Variants in TMEM120B observed in about 807,000 individuals in gnomAD.
TMEM120B encodes the protein transmembrane protein 120B.
In TMEM120B, 31 loss-of-function variants were observed where a neutral mutation model predicts 55.5. The observed-to-expected ratio is 0.56, with a 90% confidence interval of 0.42 to 0.75. The LOEUF (loss-of-function observed/expected upper bound fraction) is 0.75. Among genes scored for constraint, TMEM120B ranks in the 30% least tolerant of loss-of-function variants. The pLI, the probability that TMEM120B is intolerant of heterozygous loss-of-function variation, is 0.00. For synonymous variants in TMEM120B, 203 were observed against 176.3 expected (o/e 1.15, Z -1.20); for missense variants, 399 against 425.5 (o/e 0.94, Z 0.55).
chr12:121,727,070 T>C (rs1290740616), intron 1 of TMEM120B, among the ~76,000 whole-genome samples: 2 of 151,250 alleles, frequency 1.3e-5, no homozygotes, highest in Non-Finnish European at 2.9e-5. Context: ...CATAACCCGG[T>C]CTCAAAATAA....
chr12:121,713,083 G>A, intron 1 of TMEM120B, 119 bp downstream of exon 1: 1 of 777,094 alleles, frequency 1.3e-6, no homozygotes, highest in Non-Finnish European at 1.9e-6. Context: ...CCCCGGAGAG[G>A]CCCTGGGGGC....
At chr12:121,725,300 T>C (rs1384322840) in intron 1 of TMEM120B, among the ~76,000 whole-genome samples, 2 of 152,212 alleles carry the variant, frequency 1.3e-5, no homozygotes, top group Non-Finnish European at 2.9e-5. Flanking sequence ...GAGTCAATCA[T>C]GTTTAATGTG....
chr12:121,747,249 ACTGGGGTAGAAGGTGGGAGG>A (rs1566515391), intron 2 of TMEM120B, among the ~76,000 whole-genome samples: 16 of 145,700 alleles, frequency 1.1e-4, no homozygotes, highest in Admixed American at 9.0e-4. Context: ...TGCGAGAGGC[ACTGGGGTAGAAGGTGGGAGG>A]CTGGGGTAGA....
intron 5 of TMEM120B, among the ~76,000 whole-genome samples, chr12:121,756,862 G>A (rs1370764017): frequency 3.3e-5 from 5 of 152,186 alleles, no homozygotes; most frequent in African/African-American, 7.2e-5. Context: ...GCCTCTTCCC[G>A]GCTGTGGGAC....
Position 121,743,620 on chromosome 12 carries a change from G to C in TMEM120B, c.70-9G>C. On this transcript the variant is annotated splice_polypyrimidine_tract_variant and intron_variant, in intron 1 of 11. Coordinates refer to ENST00000449592, the MANE Select transcript of TMEM120B (RefSeq NM_001080825.2). The stretch of plus-strand genomic sequence containing the variant: ...CCACACACCCTCCCCCGGGTCCCCT[G>C]TTCTTCAGGAGACGCACAGGATCTA... 6.2e-7 allele frequency: 1 copy of C among 1,612,088 alleles called. No homozygotes were observed. The highest frequency in any genetic ancestry group is 8.5e-7 in the Non-Finnish European group (1 of 1,178,894).
At chr12:121,719,365 G>A (rs1003399606) in intron 1 of TMEM120B, among the ~76,000 whole-genome samples, 5 of 152,130 alleles carry the variant, frequency 3.3e-5, no homozygotes, top group Non-Finnish European at 4.4e-5. Context: ...CAGGTAGATC[G>A]CTTGAGCCCA....
chr12:121,764,999 A>G (rs1234449658), intron 6 of TMEM120B, among the ~76,000 whole-genome samples: 3 of 152,110 alleles, frequency 2.0e-5, no homozygotes, highest in Admixed American at 6.6e-5. Flanking sequence ...TCTACCCTCC[A>G]TCTGCCATTC....
In TMEM120B at chr12:121,779,688, A is replaced by G. The variant is rs1021762427; in HGVS notation, c.*3966A>G. On this transcript the variant is annotated 3_prime_UTR_variant, in exon 12 of 12. Transcript: ENST00000449592. ...CTGGGTGGGGGGAGGAGCCAGCATT[A>G]GGTGAGGGGCCCCTGGAGGTCTCCT... The G allele has an allele frequency of 1.2e-6, 2 of 1,612,394 alleles. No homozygotes were observed. Among genetic ancestry groups the G allele is most frequent in the Admixed American group, 1.7e-5 (1 of 59,992 alleles).
At chr12:121,714,606 G>A (rs1186312218) in intron 1 of TMEM120B, among the ~76,000 whole-genome samples, 7 of 124,946 alleles carry the variant, frequency 5.6e-5, no homozygotes, top group Non-Finnish European at 9.6e-5. Flanking sequence ...TCTGTCACCA[G>A]ACTTGAGTGC....
At chr12:121,769,223 C>G (rs1873949365) in intron 6 of TMEM120B, among the ~76,000 whole-genome samples, 1 of 151,542 alleles carries the variant, frequency 6.6e-6, no homozygotes, top group Non-Finnish European at 1.5e-5. Context: ...ACAGAGTTCC[C>G]ATAGCCTCTG....
chr12:121,737,395 C>G (rs1691594085), intron 1 of TMEM120B, among the ~76,000 whole-genome samples: 1 of 152,088 alleles, frequency 6.6e-6, no homozygotes, highest in Non-Finnish European at 1.5e-5. Flanking sequence ...ATCTCAGCTA[C>G]TCGGGAGGCT....
At chr12:121,746,419 T>C (rs1055177564) in intron 2 of TMEM120B, among the ~76,000 whole-genome samples, 1 of 152,088 alleles carries the variant, frequency 6.6e-6, no homozygotes, top group Non-Finnish European at 1.5e-5. Context: ...ACTCCCAACC[T>C]CAGGTGATCG....
At chr12:121,771,007 C>T (rs1241364570) in intron 7 of TMEM120B, 35 bp downstream of exon 7, 1 of 1,608,910 alleles carries the variant, frequency 6.2e-7, no homozygotes, top group Non-Finnish European at 8.5e-7. Context: ...TCCAGCCTCC[C>T]AGGGAGTAGA....
chr12:121,748,119 T>C (rs112248619), intron 2 of TMEM120B, among the ~76,000 whole-genome samples: 6 of 29,572 alleles, frequency 2.0e-4, no homozygotes, highest in Non-Finnish European at 3.4e-4. Context: ...GGGTAGAAGG[T>C]GGGAGGCTGG....
At chr12:121,730,056 C>G (rs550300980) in intron 1 of TMEM120B, among the ~76,000 whole-genome samples, 1 of 151,804 alleles carries the variant, frequency 6.6e-6, no homozygotes, top group African/African-American at 2.4e-5. Flanking sequence ...GTCAGGAGAT[C>G]GATACCATCC....
At chr12:121,774,154 C>G (rs1181068876) in intron 9 of TMEM120B, among the ~76,000 whole-genome samples, 2 of 152,072 alleles carry the variant, frequency 1.3e-5, no homozygotes. Context: ...TGGGGTTTCA[C>G]CTTGTTGGCC....
rs369734434 is a variant in TMEM120B, at chr12:121,775,748, C to T, written c.*26C>T. On this transcript the variant is annotated 3_prime_UTR_variant, in exon 12 of 12. Coordinates refer to ENST00000449592, the MANE Select transcript of TMEM120B (RefSeq NM_001080825.2). The surrounding 1 kb of genome is among the most constrained non-coding windows in gnomAD (Gnocchi z 4.3). ...GCCTCGGGCTCCTGTGCCCTCGGCC[C>T]GGACTTCAGACTGCAGGGGGCTCCC... 3.8e-5 allele frequency: 62 copies of T among 1,611,804 alleles called. No homozygotes were observed. The highest frequency in any genetic ancestry group is 8.3e-5 in the Admixed American group (5 of 59,950).
chr12:121,768,522 G>T (rs1873918982), intron 6 of TMEM120B, among the ~76,000 whole-genome samples: 1 of 152,194 alleles, frequency 6.6e-6, no homozygotes, highest in Non-Finnish European at 1.5e-5. Flanking sequence ...AAAAAAAAGA[G>T]AAAGCACGTG....
chr12:121,726,977 C>A (rs1424643279), intron 1 of TMEM120B, among the ~76,000 whole-genome samples: 1 of 149,446 alleles, frequency 6.7e-6, no homozygotes, highest in Admixed American at 6.7e-5. Flanking sequence ...GTAATCCCAG[C>A]ACTTTGGGAG....
Sources: gnomAD v4.1 joint callset for allele counts (sites outside exome capture counted in the v4.1 genomes callset) on GRCh38, gnomAD v4.1.1 for gene constraint, Gnocchi (gnomAD v3.1) non-coding constraint, MANE v1.5 for transcripts, NCBI Gene and HGNC (gene_info 2026-07-23, HGNC 2026-07-21) for gene names.